The following SNTB1 variants were observed in gnomAD, a reference collection of about 807,000 sequenced individuals.
SNTB1 encodes the protein syntrophin beta 1, also known as beta-1-syntrophin.
A neutral mutation model predicts 48.9 loss-of-function variants in SNTB1; 36 were observed. The observed-to-expected ratio is 0.74, with a 90% CI of 0.56 to 0.97. SNTB1 has a LOEUF of 0.97. SNTB1 is among the 50% of genes least tolerant of loss of function. The pLI is 0.00. For synonymous variants in SNTB1, 299 were observed against 294.6 expected (o/e 1.01, Z -0.15); for missense variants, 786 against 703.4 (o/e 1.12, Z -1.33).
chr8:120,757,902 AG>A (rs1239862215), intron 1 of SNTB1, among the ~76,000 whole-genome samples: 2 of 152,196 alleles, frequency 1.3e-5, no homozygotes, highest in African/African-American at 4.8e-5. Context: ...TTTTTCGCTA[AG>A]TGGGAAAGAC....
At chr8:120,558,824 C>T (rs1021973740) in intron 4 of SNTB1, among the ~76,000 whole-genome samples, 1 of 152,076 alleles carries the variant, frequency 6.6e-6, no homozygotes, top group Admixed American at 6.5e-5. Context: ...CAGTGTTTGG[C>T]ACAGAATACA....
At chr8:120,675,870 T>C (rs1433824965) in intron 2 of SNTB1, among the ~76,000 whole-genome samples, 1 of 152,224 alleles carries the variant, frequency 6.6e-6, no homozygotes, top group Non-Finnish European at 1.5e-5. Context: ...TTCTTGAGCT[T>C]CTACCATGTA....
chr8:120,609,665 T>C (rs1181615653), intron 3 of SNTB1, among the ~76,000 whole-genome samples: 1 of 152,238 alleles, frequency 6.6e-6, no homozygotes, highest in Non-Finnish European at 1.5e-5. Context: ...CAGATTACTT[T>C]TTAAAAGAAA....
chr8:120,736,404 A>G (rs1348214320), intron 1 of SNTB1, among the ~76,000 whole-genome samples: 2 of 152,224 alleles, frequency 1.3e-5, no homozygotes, highest in African/African-American at 2.4e-5. Flanking sequence ...AAGACTCTGC[A>G]ACAGGCAGGT....
intron 1 of SNTB1, among the ~76,000 whole-genome samples, chr8:120,802,339 T>G (rs1195749983): frequency 1.3e-5 from 2 of 152,176 alleles, no homozygotes; most frequent in Non-Finnish European, 1.5e-5. Context: ...TGAAGTTTGC[T>G]GTGTAGGTTA....
intron 1 of SNTB1, among the ~76,000 whole-genome samples, chr8:120,710,750 C>T (rs1409341398): frequency 2.0e-5 from 3 of 152,224 alleles, no homozygotes; most frequent in Non-Finnish European, 4.4e-5. Flanking sequence ...CCTCCCCAGA[C>T]ACCAAACCTA....
intron 5 of SNTB1, 141 bp downstream of exon 5, chr8:120,548,621 A>C: frequency 1.4e-6 from 1 of 707,530 alleles, no homozygotes. Flanking sequence ...AGACCTCCTT[A>C]ATTTAGAAGA....
At chr8:120,762,931 G>T (rs1426790249) in intron 1 of SNTB1, among the ~76,000 whole-genome samples, 1 of 152,156 alleles carries the variant, frequency 6.6e-6, no homozygotes, top group East Asian at 1.9e-4. Flanking sequence ...ACTTTTAAGA[G>T]TGCCTGTCAA....
At chr8:120,569,935 A>G (rs1815817019) in intron 4 of SNTB1, among the ~76,000 whole-genome samples, 1 of 152,176 alleles carries the variant, frequency 6.6e-6, no homozygotes, top group South Asian at 2.1e-4. Flanking sequence ...TTTGCCTGAA[A>G]TCCTAGCCTC....
rs764294820 is a variant in SNTB1 at position 120,575,231 on chromosome 8, A to T, written c.997-6T>A. On this transcript the variant is annotated splice_region_variant and splice_polypyrimidine_tract_variant and intron_variant, in intron 3 of 6. Transcript: ENST00000517992. ...TTCTTGCTCTCCCCTGGCACCTGAA[A>T]AAGAAAGCAGAGAACTGTCAAATGA... The T allele has an allele frequency of 1.2e-6, 2 of 1,614,174 alleles. No homozygotes were observed. Among genetic ancestry groups the T allele is most frequent in the East Asian group, 4.5e-5 (2 of 44,880 alleles).
intron 2 of SNTB1, among the ~76,000 whole-genome samples, chr8:120,670,364 C>G (rs143189900): frequency 1.7e-3 from 261 of 152,264 alleles, no homozygotes; most frequent in African/African-American, 6.0e-3. Flanking sequence ...CTTCATACGG[C>G]AAGGGCTGGA....
intron 1 of SNTB1, among the ~76,000 whole-genome samples, chr8:120,728,851 G>T (rs1428669340): frequency 6.6e-6 from 1 of 152,158 alleles, no homozygotes; most frequent in Non-Finnish European, 1.5e-5. Flanking sequence ...AGGTCAAGTG[G>T]TAGTTCTATT....
At chr8:120,628,063 A>G (rs1037112958) in intron 3 of SNTB1, among the ~76,000 whole-genome samples, 3 of 152,210 alleles carry the variant, frequency 2.0e-5, no homozygotes, top group African/African-American at 7.2e-5. Flanking sequence ...AGAATACGAA[A>G]TGGAAATGAA....
intron 3 of SNTB1, among the ~76,000 whole-genome samples, chr8:120,623,023 G>C (rs1816818225): frequency 1.3e-5 from 2 of 152,196 alleles, no homozygotes; most frequent in South Asian, 4.1e-4. Flanking sequence ...GGAGAACTCT[G>C]TGCTGCTATT....
In SNTB1 at chr8:120,684,657, T is replaced by A. The variant is rs199836995; in HGVS notation, c.788+9035A>T. Among the ~76,000 whole-genome samples, 61 of 106,986 alleles carry A rather than the reference T, an allele frequency of 5.7e-4. 1 individual carries two copies. The highest frequency in any genetic ancestry group is 1.5e-3 in the African/African-American group (35 of 23,970). The allele number at this position is 106,986 out of a possible 152,430, so 70.2% of individuals were successfully genotyped here. A position where few individuals can be genotyped will look rare whatever the true frequency, so the allele number is the denominator to read the frequency against. ...ATACCCAACAGGGCAAAAATTGAAT[T>A]TTTTTTTTTTTTTTTGAGACTGAGT... On this transcript the variant is annotated intron_variant, in intron 2 of 6. Coordinates refer to ENST00000517992, the MANE Select transcript of SNTB1 (RefSeq NM_021021.4).
At chr8:120,752,482 ACACT>A (rs1248158927) in intron 1 of SNTB1, among the ~76,000 whole-genome samples, 4 of 152,164 alleles carry the variant, frequency 2.6e-5, no homozygotes, top group Non-Finnish European at 4.4e-5. Context: ...GGAAAAAGAC[ACACT>A]CACAACTATG....
chr8:120,787,945 A>G (rs1819950785), intron 1 of SNTB1, among the ~76,000 whole-genome samples: 1 of 152,180 alleles, frequency 6.6e-6, no homozygotes, highest in Admixed American at 6.5e-5. Context: ...TCTAAACTCA[A>G]CCTGAAAGAA....
chr8:120,549,998 C>T (rs886342325), intron 4 of SNTB1, among the ~76,000 whole-genome samples: 2 of 152,028 alleles, frequency 1.3e-5, no homozygotes, highest in Non-Finnish European at 2.9e-5. Context: ...GGCTTGTTAC[C>T]CCTAGATAAA....
chr8:120,564,508 T>C (rs1045808457), intron 4 of SNTB1, among the ~76,000 whole-genome samples: 1 of 144,192 alleles, frequency 6.9e-6, no homozygotes, highest in African/African-American at 2.5e-5. Context: ...TTATGGCTAA[T>C]ACATTCATCA....
Sources: allele counts gnomAD v4.1 joint callset (sites outside exome capture counted in the v4.1 genomes callset), GRCh38; gene constraint gnomAD v4.1.1; transcripts MANE v1.5; gene names NCBI Gene and HGNC (gene_info 2026-07-23, HGNC 2026-07-21).